The following PRDM16 variants were observed in gnomAD, a reference collection of about 807,000 sequenced individuals.
PRDM16 encodes histone-lysine N-methyltransferase PRDM16.
A neutral mutation model predicts 110.6 loss-of-function variants in PRDM16; 23 were observed. The ratio of observed to expected loss-of-function variants is 0.21; its 90% CI spans 0.15 to 0.29. The LOEUF (loss-of-function observed/expected upper bound fraction) is 0.29. Ranked by LOEUF, PRDM16 falls within the 10% of genes least tolerant of loss-of-function variation. PRDM16 has a pLI of 1.00. For missense variants in PRDM16, 1,615 were observed against 1,794.3 expected (o/e 0.90, Z 1.81); for synonymous variants, 799 against 781.8 (o/e 1.02, Z -0.37).
intron 5 of PRDM16, among the ~76,000 whole-genome samples, chr1:3,400,161 G>T (rs957726172): frequency 1.3e-5 from 2 of 152,244 alleles, no homozygotes; most frequent in Non-Finnish European, 2.9e-5. Context: ...TGGGCAGGCT[G>T]CAGGCCCACT....
At position 3,382,696 on chromosome 1, in the gene PRDM16, AG is replaced by A. The variant is rs1643122994; in HGVS notation, c.439-2454del. Among the ~76,000 whole-genome samples the A allele has an allele frequency of 6.6e-6, 1 of 152,170 alleles. No individual in the cohort carries two copies. On this transcript the variant is annotated intron_variant, in intron 3 of 16. Transcript: ENST00000270722. This position sits in a 1 kb window ranked among gnomAD's most constrained non-coding sequence, Gnocchi z 6.6. Reference sequence around the variant, plus strand: ...TCCCTGGGCTGAGGGGGATGCACTCAGGAGCACGTACTCCTGGCTGCACCAA... The same window carrying A: ...TCCCTGGGCTGAGGGGGATGCACTCAGAGCACGTACTCCTGGCTGCACCAA...
chr1:3,411,278 C>T, intron 8 of PRDM16, 106 bp from the exon 9 acceptor site: 1 of 1,227,098 alleles, frequency 8.1e-7, no homozygotes, highest in Non-Finnish European at 1.2e-6. Context: ...CAGCCCCAGC[C>T]TCGCCCCTCC....
intron 1 of PRDM16, among the ~76,000 whole-genome samples, chr1:3,075,722 C>T (rs1324459934): frequency 5.9e-5 from 9 of 152,282 alleles, no homozygotes; most frequent in African/African-American, 1.9e-4. Flanking sequence ...ATGGCGGTGC[C>T]GTTTCCGAAC....
In PRDM16 at chr1:3,244,144, G is replaced by A. The variant is rs1198596075; in HGVS notation, c.438+7G>A. On this transcript the variant is annotated splice_region_variant and intron_variant, in intron 3 of 16. Coordinates refer to ENST00000270722, the MANE Select transcript of PRDM16 (RefSeq NM_022114.4). This position sits in a 1 kb window ranked among gnomAD's most constrained non-coding sequence, Gnocchi z 4.1. ...GGAAGGCTGCATCACAAAGGTAGGA[G>A]AGCTCGCCCTGCGCCGTCTCAGCTC... The A allele has an allele frequency of 9.3e-6, 15 of 1,613,738 alleles. No homozygotes were observed. The highest frequency in any genetic ancestry group is 1.3e-5 in the Non-Finnish European group (15 of 1,179,938).
Position 3,434,094 on chromosome 1 carries a change from A to T in PRDM16, c.*283A>T, listed in dbSNP as rs1359635588. ...GACAGCCAACGGAGCTGCCTCGCAGAATCAGCCAGTGGGCAGGTGGACGCT... is the reference window on the plus strand; with the variant it reads ...GACAGCCAACGGAGCTGCCTCGCAGTATCAGCCAGTGGGCAGGTGGACGCT... On this transcript the variant is annotated 3_prime_UTR_variant, in exon 17 of 17. Coordinates refer to ENST00000270722, the MANE Select transcript of PRDM16 (RefSeq NM_022114.4). 1 of 397,946 alleles carries T rather than the reference A, an allele frequency of 2.5e-6. No homozygotes were observed. Among genetic ancestry groups the T allele is most frequent in the Non-Finnish European group, 4.5e-6 (1 of 220,936 alleles). The allele number at this position is 397,946 out of a possible 1,614,324, so 24.7% of individuals were successfully genotyped here.
rs1018653990 is a variant in PRDM16 at position 3,143,289 on chromosome 1, G to T, written c.38-42836G>T. On this transcript the variant is annotated intron_variant, in intron 1 of 16. Coordinates refer to ENST00000270722, the MANE Select transcript of PRDM16 (RefSeq NM_022114.4). The surrounding 1 kb of genome is among the most constrained non-coding windows in gnomAD (Gnocchi z 4.5). ...TGCCGGGAAGTGTGGACATGGGTCC[G>T]GGCTGAGGACTTCGTCAGGTGTCAG... Among the ~76,000 whole-genome samples, 1 of 152,032 alleles carries T rather than the reference G, an allele frequency of 6.6e-6. No homozygotes were observed. Among genetic ancestry groups the T allele is most frequent in the Non-Finnish European group, 1.5e-5 (1 of 68,020 alleles).
At chr1:3,217,627 T>C (rs1639059424) in intron 2 of PRDM16, among the ~76,000 whole-genome samples, 1 of 152,210 alleles carries the variant, frequency 6.6e-6, no homozygotes, top group Non-Finnish European at 1.5e-5. Context: ...TCCCAGCCAC[T>C]GTGGCTGAGT....
intron 1 of PRDM16, among the ~76,000 whole-genome samples, chr1:3,082,072 C>T (rs963578901): frequency 5.9e-5 from 9 of 152,222 alleles, no homozygotes; most frequent in Non-Finnish European, 7.3e-5. Context: ...TCAGAGGTGG[C>T]ACCTGGCTTT....
At chr1:3,292,541 G>T (rs189732437) in intron 3 of PRDM16, among the ~76,000 whole-genome samples, 1 of 152,218 alleles carries the variant, frequency 6.6e-6, no homozygotes, top group South Asian at 2.1e-4. Flanking sequence ...GAGCGGCACC[G>T]TGACCTTCAT....
chr1:3,270,289 T>TG (rs1417563620), intron 3 of PRDM16, among the ~76,000 whole-genome samples: 1 of 126,440 alleles, frequency 7.9e-6, no homozygotes, highest in African/African-American at 3.1e-5. Flanking sequence ...AGGAGGACAG[T>TG]GGGGAAGAGG....
In PRDM16 at chr1:3,404,788, G is replaced by T. The variant is rs191798831; in HGVS notation, c.934G>T (p.Asp312Tyr). ...IHTEEREYKC[D>Y]QCPKAFNWKS... The stretch of plus-strand genomic sequence containing the variant: ...CACGGAGGAGCGCGAGTACAAATGC[G>T]ACCAGTGTCCCAAGGCCTTCAACTG... The change falls in exon 7 of 17, where the codon GAC (aspartate) becomes TAC (tyrosine). Residue 312 changes from aspartate to tyrosine, a missense_variant. By Grantham distance (160) the Asp-to-Tyr change is radical (BLOSUM62 -3). Around this residue, in one of 5 missense-constraint regions of PRDM16, gnomAD observed 416 missense variants for 467.1 expected, o/e 0.89. Coordinates refer to ENST00000270722, the MANE Select transcript of PRDM16 (RefSeq NM_022114.4). 2.5e-6 allele frequency: 4 copies of T among 1,613,614 alleles called. No individual in the cohort carries two copies. The highest frequency in any genetic ancestry group is 1.7e-4 in the Middle Eastern group (1 of 6,060).
At position 3,069,501 on chromosome 1, in the gene PRDM16, G is replaced by A. The variant is rs1641690993; in HGVS notation, c.37+205G>A. On this transcript the variant is annotated intron_variant, in intron 1 of 16. Transcript: ENST00000270722. This position sits in a 1 kb window ranked among gnomAD's most constrained non-coding sequence, Gnocchi z 6.1. The stretch of plus-strand genomic sequence containing the variant: ...CGCGGAGGCTCGGGGCGCCCGGGCC[G>A]CGCGCTCCCCGAAGGCGCCGGCCCC... 6.9e-6 allele frequency among the ~76,000 whole-genome samples: 1 copy of A among 145,790 alleles called. No homozygotes were observed. Among genetic ancestry groups the A allele is most frequent in the Non-Finnish European group, 1.5e-5 (1 of 65,872 alleles).
rs2483248 is a variant in PRDM16 at position 3,433,884 on chromosome 1, C to T, written c.*73C>T. The T allele has an allele frequency of 0.012, 18,106 of 1,532,136 alleles. 1,775 individuals carry two copies. The African/African-American group carries it at 0.22, about 18-fold the overall frequency. The allele number at this position is 1,532,136 out of a possible 1,614,324, so 94.9% of individuals were successfully genotyped here. On this transcript the variant is annotated 3_prime_UTR_variant, in exon 17 of 17. Transcript: ENST00000270722. ...CGAAGGACGGAGGCGGGCGGGGCCC[C>T]GGAGAACCCTGTCCCTGCGTGTGGC... is the stretch of plus-strand genomic sequence containing the variant.
intron 3 of PRDM16, among the ~76,000 whole-genome samples, chr1:3,266,028 T>A (rs1286332264): frequency 6.6e-6 from 1 of 152,190 alleles, no homozygotes; most frequent in African/African-American, 2.4e-5. Flanking sequence ...TAAGTCTCCG[T>A]CGTCTTGAGT....
At chr1:3,399,444 G>A (rs1299943003) in intron 5 of PRDM16, among the ~76,000 whole-genome samples, 1 of 152,126 alleles carries the variant, frequency 6.6e-6, no homozygotes, top group African/African-American at 2.4e-5. Context: ...TGTATTCAGG[G>A]CCAGCCTTAC....
chr1:3,346,580 G>A (rs1642367478), intron 3 of PRDM16, among the ~76,000 whole-genome samples: 1 of 152,042 alleles, frequency 6.6e-6, no homozygotes, highest in African/African-American at 2.4e-5. Context: ...AGTCTTTGGG[G>A]GCAGGCAACA....
chr1:3,348,231 G>A (rs1557624824), intron 3 of PRDM16, among the ~76,000 whole-genome samples: 1 of 152,238 alleles, frequency 6.6e-6, no homozygotes, highest in East Asian at 1.9e-4. Context: ...GCAAGGATGA[G>A]GCTCGCTGGC....
intron 12 of PRDM16, among the ~76,000 whole-genome samples, chr1:3,420,531 C>G (rs1638398253): frequency 6.6e-6 from 1 of 152,330 alleles, no homozygotes; most frequent in East Asian, 1.9e-4. Flanking sequence ...ATAGGGTAAT[C>G]AAACCAGATG....
At position 3,412,325 on chromosome 1, in the gene PRDM16, G is replaced by A; in HGVS notation, c.2128G>A (p.Gly710Arg). 6.2e-7 allele frequency: 1 copy of A among 1,613,842 alleles called. No homozygotes were observed. The highest frequency in any genetic ancestry group is 2.2e-5 in the East Asian group (1 of 44,868). Residue 710 changes from glycine (G) to arginine (R), a missense_variant, in exon 9 of 17, where the codon GGG (glycine) becomes AGG (arginine). Coordinates refer to ENST00000270722, the MANE Select transcript of PRDM16 (RefSeq NM_022114.4). The stretch of plus-strand genomic sequence containing the variant: ...GAAGTACTTTGGCCCCGGCTTCATG[G>A]GGATGCAGGAGAAGAAGCTGGGCTC... ...AEKYFGPGFM[G>R]MQEKKLGSLP...
Sources: gnomAD v4.1 joint callset for allele counts (sites outside exome capture counted in the v4.1 genomes callset) on GRCh38, gnomAD v4.1.1 for gene constraint, gnomAD v4.1.1 regional missense constraint, Gnocchi (gnomAD v3.1) non-coding constraint, MANE v1.5 for transcripts, NCBI Gene and HGNC (gene_info 2026-07-23, HGNC 2026-07-21) for gene names.